TTC27: variants seen among roughly 807,000 people sequenced by gnomAD.
The protein encoded by TTC27 is tetratricopeptide repeat protein 27.
TTC27 carries 79 observed loss-of-function variants against 115.9 expected under a neutral mutation model. That is an observed-to-expected ratio of 0.68 (90% CI 0.57 to 0.82). The LOEUF is 0.82. TTC27 is among the 40% of genes least tolerant of loss of function. The pLI is 0.00. For synonymous variants in TTC27, 401 were observed against 356.0 expected (o/e 1.13, Z -1.42); for missense variants, 1,054 against 993.1 (o/e 1.06, Z -0.82).
At chr2:32,711,116 C>CAAAAAAAAA (rs34140897) in intron 10 of TTC27, among the ~76,000 whole-genome samples, 18 of 59,888 alleles carry the variant, frequency 3.0e-4, no homozygotes, top group African/African-American at 3.2e-4. Context: ...GACTCTGTCT[C>CAAAAAAAAA]AAAAAAAAAA....
intron 4 of TTC27, among the ~76,000 whole-genome samples, chr2:32,641,160 G>T (rs900116703): frequency 1.3e-5 from 2 of 152,124 alleles, no homozygotes; most frequent in African/African-American, 4.8e-5. Context: ...ATTTAGTAAA[G>T]CATTTGTTAA....
chr2:32,708,426 C>T (rs1446003107), intron 10 of TTC27, among the ~76,000 whole-genome samples: 2 of 150,058 alleles, frequency 1.3e-5, no homozygotes, highest in African/African-American at 4.9e-5. Context: ...ATTCTCTTGC[C>T]TCAACCTTCT....
At chr2:32,654,019 C>T (rs1572480233) in intron 5 of TTC27, among the ~76,000 whole-genome samples, 1 of 152,284 alleles carries the variant, frequency 6.6e-6, no homozygotes, top group Admixed American at 6.5e-5. Context: ...CCCAAGGGTC[C>T]CATATTGATC....
chr2:32,631,161 G>A (rs1664190034), intron 2 of TTC27, among the ~76,000 whole-genome samples: 1 of 152,036 alleles, frequency 6.6e-6, no homozygotes, highest in Admixed American at 6.6e-5. Flanking sequence ...AAATTAGCTG[G>A]GCATGGTGGC....
intron 11 of TTC27, among the ~76,000 whole-genome samples, chr2:32,735,416 T>A (rs1435315797): frequency 6.6e-6 from 1 of 152,192 alleles, no homozygotes; most frequent in African/African-American, 2.4e-5. Flanking sequence ...TTGAGGGTGT[T>A]GCTTTTTATC....
At chr2:32,700,236 C>T (rs906463851) in intron 9 of TTC27, among the ~76,000 whole-genome samples, 6 of 152,130 alleles carry the variant, frequency 3.9e-5, no homozygotes, top group African/African-American at 1.4e-4. Context: ...GCTCCCAACT[C>T]TGTGAGAGAT....
intron 18 of TTC27, among the ~76,000 whole-genome samples, chr2:32,815,317 A>C (rs1330658076): frequency 7.3e-6 from 1 of 136,146 alleles, no homozygotes; most frequent in African/African-American, 2.9e-5. Context: ...GCTCACTGCA[A>C]GCTTCGCCTC....
chr2:32,764,099 C>G (rs1669540732), intron 13 of TTC27, among the ~76,000 whole-genome samples: 1 of 147,238 alleles, frequency 6.8e-6, no homozygotes, highest in African/African-American at 2.4e-5. Flanking sequence ...TTTCCATCTC[C>G]CACTTAACAC....
At chr2:32,759,181 CTTTA>C (rs146498614) in intron 13 of TTC27, among the ~76,000 whole-genome samples, 1,761 of 152,196 alleles carry the variant, frequency 0.012, 21 homozygotes, top group Admixed American at 0.017. Flanking sequence ...TTCTACCAAA[CTTTA>C]TTTATAACTG....
At chr2:32,786,929 AT>A in intron 15 of TTC27, 54 bp from the exon 16 acceptor site, 1 of 1,437,226 alleles carries the variant, frequency 7.0e-7, no homozygotes, top group Non-Finnish European at 9.5e-7. Context: ...GCTATGCTTT[AT>A]TCTAATAAAA....
chr2:32,705,865 C>G (rs1174476942), intron 10 of TTC27, among the ~76,000 whole-genome samples: 4 of 152,108 alleles, frequency 2.6e-5, no homozygotes, highest in Non-Finnish European at 5.9e-5. Context: ...GATGTATCTT[C>G]TCTGCATAAG....
At chr2:32,787,218 A>C in intron 16 of TTC27, 69 bp downstream of exon 16, 2 of 1,505,780 alleles carry the variant, frequency 1.3e-6, no homozygotes, top group Non-Finnish European at 1.8e-6. Flanking sequence ...GGTATAAATT[A>C]TTTCCTTGAA....
chr2:32,714,683 G>T (rs1220406442), intron 10 of TTC27, among the ~76,000 whole-genome samples: 4 of 152,084 alleles, frequency 2.6e-5, no homozygotes, highest in Admixed American at 1.3e-4. Context: ...TTCCACAATG[G>T]CTGAACTAAT....
intron 10 of TTC27, among the ~76,000 whole-genome samples, chr2:32,710,961 A>G (rs1667555205): frequency 6.6e-6 from 1 of 151,426 alleles, no homozygotes; most frequent in Non-Finnish European, 1.5e-5. Flanking sequence ...CTAAAAATAC[A>G]AAACAATTAG....
chr2:32,644,316 A>C (rs1572469914), intron 4 of TTC27, among the ~76,000 whole-genome samples: 1 of 151,000 alleles, frequency 6.6e-6, no homozygotes, highest in South Asian at 2.1e-4. Flanking sequence ...CGCGCACCGC[A>C]CTCCAGCCGA....
chr2:32,806,634 T>C (rs9679050), intron 16 of TTC27, among the ~76,000 whole-genome samples: 63,594 of 151,776 alleles, frequency 0.42, 13,744 homozygotes, highest in South Asian at 0.57. Flanking sequence ...CAGAAAAAAT[T>C]AGCCGGGCAT....
intron 2 of TTC27, among the ~76,000 whole-genome samples, chr2:32,633,610 C>T (rs190453348): frequency 1.3e-5 from 2 of 152,182 alleles, no homozygotes; most frequent in African/African-American, 2.4e-5. Context: ...CACTATGTTT[C>T]TCAGGCTGGT....
intron 10 of TTC27, chr2:32,704,977 T>C: frequency 2.1e-6 from 1 of 466,540 alleles, no homozygotes; most frequent in South Asian, 1.6e-5. Flanking sequence ...CCATTGTAAT[T>C]AATAAACATT....
intron 10 of TTC27, among the ~76,000 whole-genome samples, chr2:32,718,989 G>A (rs1169734611): frequency 6.6e-6 from 1 of 152,202 alleles, no homozygotes; most frequent in Non-Finnish European, 1.5e-5. Flanking sequence ...AAGGCAGTGT[G>A]CTTGACCAAG....
Sources: gnomAD v4.1 joint callset for allele counts (sites outside exome capture counted in the v4.1 genomes callset) on GRCh38, gnomAD v4.1.1 for gene constraint, MANE v1.5 for transcripts, NCBI Gene and HGNC (gene_info 2026-07-23, HGNC 2026-07-21) for gene names.